Variants in OCA2 observed in about 807,000 individuals in gnomAD.
The protein encoded by OCA2 is P protein.
Under a neutral mutation model 100.2 loss-of-function variants are expected in OCA2, and 77 were observed. The observed-to-expected ratio is 0.77, with a 90% CI of 0.64 to 0.93. The LOEUF is 0.93. Ranked by LOEUF, OCA2 falls within the 40% of genes least tolerant of loss-of-function variation. The probability of loss-of-function intolerance (pLI) is 0.00; values close to 1 mark genes in which losing one functional copy is unlikely to be tolerated. For synonymous variants in OCA2, 432 were observed against 439.2 expected, an observed-to-expected ratio of 0.98 and a Z score of 0.21; for missense variants, 1,062 against 1,089.1, an observed-to-expected ratio of 0.98 and a Z score of 0.35.
chr15:27,852,750 A>C (rs2035801157), intron 21 of OCA2, among the ~76,000 whole-genome samples: 1 of 148,666 alleles, frequency 6.7e-6, no homozygotes, highest in Non-Finnish European at 1.5e-5. Flanking sequence ...ACCCCATCAA[A>C]AAGTGGGCAA....
chr15:27,933,033 C>T (rs1266332855), intron 18 of OCA2, among the ~76,000 whole-genome samples: 1 of 151,748 alleles, frequency 6.6e-6, no homozygotes, highest in Admixed American at 6.6e-5. Flanking sequence ...AACACGTATG[C>T]TTATGGTCAA....
chr15:28,026,560 C>T (rs2042753394), intron 4 of OCA2, among the ~76,000 whole-genome samples: 1 of 152,206 alleles, frequency 6.6e-6, no homozygotes, highest in Non-Finnish European at 1.5e-5. Context: ...GAGACAGCTC[C>T]ATGTCAAGCA....
intron 19 of OCA2, among the ~76,000 whole-genome samples, chr15:27,919,280 C>T (rs1263602274): frequency 1.3e-5 from 2 of 152,076 alleles, no homozygotes; most frequent in African/African-American, 2.4e-5. Flanking sequence ...TTTACCCAAA[C>T]GATTTGAAGA....
At chr15:27,968,364 G>A (rs1567170909) in intron 14 of OCA2, among the ~76,000 whole-genome samples, 1 of 152,158 alleles carries the variant, frequency 6.6e-6, no homozygotes, top group African/African-American at 2.4e-5. Context: ...GGGGCAGGGT[G>A]GGAGGGACCA....
intron 2 of OCA2, among the ~76,000 whole-genome samples, chr15:28,064,437 T>G (rs1205267715): frequency 2.0e-5 from 3 of 152,030 alleles, no homozygotes; most frequent in African/African-American, 7.2e-5. Context: ...ACAGGTCCCT[T>G]GGGCTCTATT....
intron 21 of OCA2, among the ~76,000 whole-genome samples, chr15:27,856,180 A>G (rs1438871326): frequency 6.6e-6 from 1 of 152,166 alleles, no homozygotes; most frequent in African/African-American, 2.4e-5. Context: ...TTGTAAGGAC[A>G]TCAGTCATAT....
At chr15:27,891,583 T>C (rs1021090721) in intron 19 of OCA2, among the ~76,000 whole-genome samples, 2 of 152,230 alleles carry the variant, frequency 1.3e-5, no homozygotes, top group African/African-American at 2.4e-5. Flanking sequence ...AGATTACTTA[T>C]AGTACCTAAT....
At chr15:27,779,669 C>T (rs148782690) in intron 23 of OCA2, among the ~76,000 whole-genome samples, 17 of 152,296 alleles carry the variant, frequency 1.1e-4, no homozygotes, top group Admixed American at 3.3e-4. Context: ...TAAAGTGAAT[C>T]TCTTATAGAC....
chr15:27,781,362 A>G (rs969577965), intron 23 of OCA2, among the ~76,000 whole-genome samples: 3 of 152,228 alleles, frequency 2.0e-5, no homozygotes, highest in Non-Finnish European at 4.4e-5. Flanking sequence ...TCCTTTGAGT[A>G]AGAGCTAGTT....
the OCA2 span, among the ~76,000 whole-genome samples, chr15:27,739,028 T>C: frequency 6.6e-6 from 1 of 152,124 alleles, no homozygotes; most frequent in Non-Finnish European, 1.5e-5. Flanking sequence ...GTGTCTGAGG[T>C]TGACTCAGTG....
chr15:27,719,190 A>T, the OCA2 span, among the ~76,000 whole-genome samples: 1 of 152,214 alleles, frequency 6.6e-6, no homozygotes, highest in African/African-American at 2.4e-5. Context: ...GATCTTGAAC[A>T]TGCTGGAAGT....
chr15:28,022,477 C>T, intron 6 of OCA2, 24 bp downstream of exon 6: 1 of 1,569,352 alleles, frequency 6.4e-7, no homozygotes, highest in Non-Finnish European at 8.8e-7. Flanking sequence ...GGCGGCTGGC[C>T]ATCTCAGAGT....
the OCA2 span, among the ~76,000 whole-genome samples, chr15:27,730,980 AT>A: frequency 6.7e-6 from 1 of 150,166 alleles, no homozygotes; most frequent in African/African-American, 2.4e-5. Flanking sequence ...TGAGTTAAAA[AT>A]TTTTTTTATT....
intron 1 of OCA2, among the ~76,000 whole-genome samples, chr15:28,082,674 T>A (rs2141910773): frequency 6.6e-6 from 1 of 152,316 alleles, no homozygotes; most frequent in African/African-American, 2.4e-5. Flanking sequence ...TAAATATGTA[T>A]AAATTACATA....
intron 2 of OCA2, among the ~76,000 whole-genome samples, chr15:28,037,800 T>A (rs1386486135): frequency 6.6e-6 from 1 of 152,224 alleles, no homozygotes; most frequent in Non-Finnish European, 1.5e-5. Context: ...GTCCAGCACC[T>A]GATGCCATCC....
rs1800403 is a variant in OCA2, at chr15:28,014,794, G to T, written c.1026C>A (p.Tyr342Ter). The change falls in exon 9 of 24, where the codon TAC becomes TAA. Residue 342 changes from tyrosine to a stop codon, truncating the protein, a stop_gained. Transcript: ENST00000354638. LOFTEE classifies it high-confidence loss of function. ...AAGTTACCTCAAATATGATCAGCGC[G>T]TAGACGCCCGCGAGGATGGCCGTCG... Reference protein sequence around the residue: ...TIATAILAGVYALIIFEIVHR... With the variant: ...TIATAILAGV The T allele has an allele frequency of 6.2e-7, 1 of 1,613,574 alleles. No homozygotes were observed. Among genetic ancestry groups the T allele is most frequent in the Non-Finnish European group, 8.5e-7 (1 of 1,180,024 alleles).
In OCA2 at chr15:27,926,236, C is replaced by G. The variant is rs957981838; in HGVS notation, c.1970G>C (p.Gly657Ala). Reference protein sequence around the residue: ...HLDLGWIAILGAIWLLILADI... With the variant: ...HLDLGWIAILAAIWLLILADI... Reference sequence around the variant, plus strand: ...AGCTAAAATTAGCAACCAGATGGCACCCAGAATAGCAATCCATCCTGAAAA... The same window carrying G: ...AGCTAAAATTAGCAACCAGATGGCAGCCAGAATAGCAATCCATCCTGAAAA... Residue 657 changes from glycine to alanine, a missense_variant, in exon 19 of 24, where the codon GGT (glycine) becomes GCT (alanine). Physicochemically the swap from Gly to Ala is moderately conservative, Grantham distance 60. Coordinates refer to ENST00000354638, the MANE Select transcript of OCA2 (RefSeq NM_000275.3). 8 of 1,613,858 alleles carry G rather than the reference C, an allele frequency of 5.0e-6. No homozygotes were observed. Among genetic ancestry groups the G allele is most frequent in the Middle Eastern group, 1.6e-4 (1 of 6,080 alleles).
At chr15:27,823,994 G>A (rs1260601259) in intron 23 of OCA2, among the ~76,000 whole-genome samples, 1 of 152,230 alleles carries the variant, frequency 6.6e-6, no homozygotes, top group Non-Finnish European at 1.5e-5. Flanking sequence ...TGCAAGCTCA[G>A]GGGGAACCTA....
intron 1 of OCA2, 116 bp from the exon 2 acceptor site, chr15:28,082,011 A>C: frequency 1.2e-6 from 1 of 847,554 alleles, no homozygotes; most frequent in Non-Finnish European, 1.9e-6. Context: ...CCAGAGTTCC[A>C]GCATCCTAAC....
Sources: gnomAD v4.1 joint callset for allele counts (sites outside exome capture counted in the v4.1 genomes callset) on GRCh38, gnomAD v4.1.1 for gene constraint, MANE v1.5 for transcripts, NCBI Gene and HGNC (gene_info 2026-07-23, HGNC 2026-07-21) for gene names.